ZC3H18: variants seen among roughly 807,000 people sequenced by gnomAD.
The protein encoded by ZC3H18 is zinc finger CCCH domain-containing protein 18.
In ZC3H18, 8 loss-of-function variants were observed where a neutral mutation model predicts 106.1. That is an observed-to-expected ratio of 0.08 (90% CI 0.04 to 0.14). ZC3H18 has a LOEUF of 0.14. Among genes scored for constraint, ZC3H18 ranks in the 10% least tolerant of loss-of-function variants. ZC3H18 has a pLI of 1.00. For missense variants in ZC3H18, 1,318 were observed against 1,278.4 expected, an observed-to-expected ratio of 1.03 and a Z score of -0.47; for synonymous variants, 635 against 522.1, an observed-to-expected ratio of 1.22 and a Z score of -2.95.
At chr16:88,600,517 G>C (rs1273108472) in intron 6 of ZC3H18, among the ~76,000 whole-genome samples, 2 of 152,196 alleles carry the variant, frequency 1.3e-5, no homozygotes, top group African/African-American at 4.8e-5. Context: ...GGGTTGAAGT[G>C]ATTCTCCTGC....
intron 3 of ZC3H18, chr16:88,587,523 T>C: frequency 2.0e-6 from 3 of 1,535,020 alleles, no homozygotes; most frequent in Non-Finnish European, 2.6e-6. Context: ...CACAAGAGCT[T>C]CCTGTACTTC....
rs753368268 is a variant in ZC3H18 at position 88,627,593 on chromosome 16, G to T, written c.2109-29G>T. 68 of 1,579,014 alleles carry T rather than the reference G, an allele frequency of 4.3e-5. No individual in the cohort carries two copies. Among genetic ancestry groups the T allele is most frequent in the Admixed American group, 1.0e-4 (6 of 57,552 alleles). ...TGGCCCCTCCCTCCAGTCTGGCTGG[G>T]GTGTGGTGAGATGTGCTTGTGTGTC... On this transcript the variant is annotated intron_variant, in intron 13 of 17. Transcript: ENST00000301011. This position sits in a 1 kb window ranked among gnomAD's most constrained non-coding sequence, Gnocchi z 4.5.
At chr16:88,574,705 G>T (rs1328594126) in intron 1 of ZC3H18, among the ~76,000 whole-genome samples, 2 of 143,086 alleles carry the variant, frequency 1.4e-5, no homozygotes, top group Non-Finnish European at 3.1e-5. Context: ...GTAGAGATGG[G>T]GTTTTGCTAT....
At position 88,577,104 on chromosome 16, in the gene ZC3H18, T is replaced by G. The variant is rs1310549995; in HGVS notation, c.-14-6T>G. On this transcript the variant is annotated splice_polypyrimidine_tract_variant and splice_region_variant and intron_variant, in intron 1 of 17. Coordinates refer to ENST00000301011, the MANE Select transcript of ZC3H18 (RefSeq NM_144604.4). ...AGGCTGTCAATCTGTATTCTCTCTT[T>G]TGCAGAACCGTGGGTACCGATGGAT... 1 of 1,515,272 alleles carries G rather than the reference T, an allele frequency of 6.6e-7. No homozygotes were observed. The highest frequency in any genetic ancestry group is 1.3e-5 in the South Asian group (1 of 75,384). The allele number at this position is 1,515,272 out of a possible 1,614,324, so 93.9% of individuals were successfully genotyped here.
intron 8 of ZC3H18, among the ~76,000 whole-genome samples, chr16:88,616,028 T>C (rs1905579275): frequency 6.6e-6 from 1 of 152,148 alleles, no homozygotes; most frequent in African/African-American, 2.4e-5. Flanking sequence ...GTGCTCAGCC[T>C]CCCCAGAGGA....
chr16:88,596,489 A>T (rs1904445061), intron 3 of ZC3H18, among the ~76,000 whole-genome samples: 2 of 151,684 alleles, frequency 1.3e-5, no homozygotes, highest in African/African-American at 2.4e-5. Context: ...AAAATACAAA[A>T]ATTAGCCTGG....
chr16:88,620,877 G>T (rs1442444906), intron 8 of ZC3H18, among the ~76,000 whole-genome samples: 1 of 152,090 alleles, frequency 6.6e-6, no homozygotes, highest in African/African-American at 2.4e-5. Flanking sequence ...TTTTTTGTTT[G>T]TTTTTTATAA....
chr16:88,604,824 A>G (rs558176571), intron 6 of ZC3H18, among the ~76,000 whole-genome samples: 2 of 152,340 alleles, frequency 1.3e-5, no homozygotes, highest in South Asian at 4.1e-4. Context: ...CCTGTGAGAA[A>G]TGCGGTCATC....
chr16:88,578,276 G>A (rs1477296731), intron 2 of ZC3H18, among the ~76,000 whole-genome samples: 2 of 152,196 alleles, frequency 1.3e-5, no homozygotes, highest in African/African-American at 4.8e-5. Context: ...ACTGTGGTGG[G>A]CACCTCAACT....
At chr16:88,588,855 C>G (rs900539508) in intron 3 of ZC3H18, among the ~76,000 whole-genome samples, 2 of 151,950 alleles carry the variant, frequency 1.3e-5, no homozygotes, top group African/African-American at 4.8e-5. Flanking sequence ...CCACTGTACT[C>G]CAGCCTGGGC....
chr16:88,616,857 C>T (rs1314003131), intron 8 of ZC3H18, among the ~76,000 whole-genome samples: 1 of 152,170 alleles, frequency 6.6e-6, no homozygotes, highest in African/African-American at 2.4e-5. Context: ...TGCACCAGGG[C>T]TAGGCCTTGC....
chr16:88,575,470 G>A (rs1157886467), intron 1 of ZC3H18, among the ~76,000 whole-genome samples: 1 of 151,970 alleles, frequency 6.6e-6, no homozygotes, highest in Non-Finnish European at 1.5e-5. Context: ...CACTGTCCCT[G>A]CTGCTCCACA....
chr16:88,611,958 C>T (rs1905296782), intron 8 of ZC3H18, among the ~76,000 whole-genome samples: 1 of 152,140 alleles, frequency 6.6e-6, no homozygotes, highest in Non-Finnish European at 1.5e-5. Flanking sequence ...GGACTGGGCT[C>T]AGGTGCTGTG....
intron 17 of ZC3H18, 132 bp from the exon 18 acceptor site, chr16:88,630,969 G>C (rs1906650135): frequency 8.7e-7 from 1 of 1,145,690 alleles, no homozygotes; most frequent in Non-Finnish European, 1.3e-6. Context: ...TGGGAGCCTG[G>C]CCATCCAGGG....
chr16:88,590,976 T>G (rs1175561122), intron 3 of ZC3H18, among the ~76,000 whole-genome samples: 1 of 150,388 alleles, frequency 6.6e-6, no homozygotes, highest in Non-Finnish European at 1.5e-5. Context: ...GAATACTTTT[T>G]TTTTTTTTTT....
At chr16:88,587,480 G>A (rs1189834411) in intron 3 of ZC3H18, 5 of 1,409,806 alleles carry the variant, frequency 3.5e-6, no homozygotes, top group Non-Finnish European at 3.9e-6. Context: ...ATAGATGACT[G>A]TCACTGCCAG....
intron 3 of ZC3H18, among the ~76,000 whole-genome samples, chr16:88,590,560 A>ATTTCTTT (rs1474058106): frequency 8.3e-5 from 2 of 24,118 alleles, no homozygotes; most frequent in African/African-American, 2.8e-4. Flanking sequence ...GGGTTTCTTT[A>ATTTCTTT]TTTCTTTTTT....
chr16:88,590,101 T>G (rs1179419317), intron 3 of ZC3H18, among the ~76,000 whole-genome samples: 1 of 152,136 alleles, frequency 6.6e-6, no homozygotes, highest in African/African-American at 2.4e-5. Context: ...TGGGCAACAT[T>G]GCAAGAGCTC....
At chr16:88,576,736 C>G (rs1393098057) in intron 1 of ZC3H18, among the ~76,000 whole-genome samples, 1 of 152,174 alleles carries the variant, frequency 6.6e-6, no homozygotes, top group East Asian at 1.9e-4. Flanking sequence ...TCTTTAATTT[C>G]AAAAGTAAAT....
Sources: gnomAD v4.1 joint callset for allele counts (sites outside exome capture counted in the v4.1 genomes callset) on GRCh38, gnomAD v4.1.1 for gene constraint, Gnocchi (gnomAD v3.1) non-coding constraint, MANE v1.5 for transcripts, NCBI Gene and HGNC (gene_info 2026-07-23, HGNC 2026-07-21) for gene names.